Variants in DPH6 observed in about 807,000 individuals in gnomAD.
DPH6 encodes the protein diphthamine biosynthesis 6.
DPH6 carries 33 observed loss-of-function variants against 38.2 expected under a neutral mutation model. That is an observed-to-expected ratio of 0.86 (90% CI 0.65 to 1.15). The LOEUF is 1.15. DPH6 is among the 50% of genes most tolerant of loss of function. The pLI is 0.00. For missense variants in DPH6, 325 were observed against 320.0 expected (o/e 1.02, Z -0.12); for synonymous variants, 108 against 103.0 (o/e 1.05, Z -0.30).
In DPH6 at chr15:35,236,184, T is replaced by G. The variant is rs1029859242; in HGVS notation, n.201-15602A>C. ...AAATAATTATTTCATTTTGTAAAGT[T>G]GATATCTAGGTCCATATAAGTAGTC... is the stretch of plus-strand genomic sequence containing the variant. On this transcript the variant is annotated intron_variant and non_coding_transcript_variant, in intron 3 of 3. Transcript: ENST00000560386. 5.9e-5 allele frequency among the ~76,000 whole-genome samples: 9 copies of G among 152,360 alleles called. No individual in the cohort carries two copies. The East Asian group carries it at 1.7e-3, about 29-fold the overall frequency.
At chr15:35,185,911 T>A in the DPH6 span, among the ~76,000 whole-genome samples, 1 of 151,790 alleles carries the variant, frequency 6.6e-6, no homozygotes, top group African/African-American at 2.4e-5. Context: ...TTTTTTTGTG[T>A]TTTTAGTAGA....
chr15:35,495,167 G>A (rs1223992929), intron 3 of DPH6, among the ~76,000 whole-genome samples: 11 of 152,134 alleles, frequency 7.2e-5, no homozygotes, highest in Non-Finnish European at 2.9e-5. Flanking sequence ...CTCAGATGGT[G>A]ACTGTATTTG....
the DPH6 span, among the ~76,000 whole-genome samples, chr15:35,189,090 C>T: frequency 1.3e-5 from 2 of 152,070 alleles, no homozygotes; most frequent in Non-Finnish European, 2.9e-5. Flanking sequence ...AGTATGTTTC[C>T]TAAGCAACGA....
intron 3 of DPH6, among the ~76,000 whole-genome samples, chr15:35,502,814 A>C (rs989503016): frequency 6.6e-6 from 1 of 150,872 alleles, no homozygotes; most frequent in Non-Finnish European, 1.5e-5. Context: ...CTAGATGCTT[A>C]CTTCTACTTA....
At chr15:35,162,910 G>A in the DPH6 span, among the ~76,000 whole-genome samples, 4 of 151,948 alleles carry the variant, frequency 2.6e-5, no homozygotes, top group Admixed American at 1.3e-4. Context: ...GAGAAGTGAG[G>A]GAACCCCATA....
At chr15:35,389,877 T>G (rs1310208586) in intron 6 of DPH6, among the ~76,000 whole-genome samples, 1 of 152,230 alleles carries the variant, frequency 6.6e-6, no homozygotes, top group Non-Finnish European at 1.5e-5. Context: ...AATTTGATCC[T>G]GTCATTATGA....
intron 5 of DPH6, among the ~76,000 whole-genome samples, chr15:35,420,487 A>C (rs1045695300): frequency 6.6e-6 from 1 of 152,156 alleles, no homozygotes; most frequent in Non-Finnish European, 1.5e-5. Flanking sequence ...ACAATGCAAA[A>C]ATCAATAAAA....
At chr15:35,245,852 T>C (rs2051634486) in intron 3 of DPH6, among the ~76,000 whole-genome samples, 1 of 152,212 alleles carries the variant, frequency 6.6e-6, no homozygotes, top group Admixed American at 6.5e-5. Context: ...AGGAATATAA[T>C]ACAGGATGTT....
the DPH6 span, among the ~76,000 whole-genome samples, chr15:35,193,518 C>T: frequency 2.0e-5 from 3 of 151,994 alleles, no homozygotes; most frequent in Non-Finnish European, 2.9e-5. Context: ...AATCTAGATG[C>T]TCATGGCAGT....
chr15:35,359,524 AC>A (rs2052595898), intron 3 of DPH6, among the ~76,000 whole-genome samples: 2 of 152,216 alleles, frequency 1.3e-5, no homozygotes. Context: ...CTGCTAGAGG[AC>A]CCAGTGAGCT....
chr15:35,538,178 A>G, intron 3 of DPH6, 96 bp downstream of exon 3: 1 of 1,158,328 alleles, frequency 8.6e-7, no homozygotes, highest in Non-Finnish European at 1.1e-6. Context: ...TTGGGCTACT[A>G]ACAATTGCAA....
At chr15:35,233,163 G>A (rs530525985) in intron 3 of DPH6, among the ~76,000 whole-genome samples, 15 of 152,236 alleles carry the variant, frequency 9.9e-5, no homozygotes, top group African/African-American at 3.4e-4. Flanking sequence ...AAAAAAATTA[G>A]AAAGGTGTGG....
At chr15:35,210,286 T>C in the DPH6 span, among the ~76,000 whole-genome samples, 5 of 152,178 alleles carry the variant, frequency 3.3e-5, no homozygotes, top group Non-Finnish European at 5.9e-5. Context: ...AATATCTACT[T>C]TGGTAGGTTA....
At chr15:35,399,799 A>T (rs577028301) in intron 6 of DPH6, among the ~76,000 whole-genome samples, 1 of 152,368 alleles carries the variant, frequency 6.6e-6, no homozygotes, top group African/African-American at 2.4e-5. Context: ...TACAGAATCC[A>T]TCAAATGTGA....
At chr15:35,542,894 T>G (rs2055276597) in intron 1 of DPH6, among the ~76,000 whole-genome samples, 2 of 127,598 alleles carry the variant, frequency 1.6e-5, no homozygotes, top group Non-Finnish European at 1.6e-5. Flanking sequence ...TATAATAATA[T>G]ATATTATTCC....
rs560952031 is a variant in DPH6 at position 35,361,928 on chromosome 15, T to C, written n.207+11593A>G. 5.5e-5 allele frequency among the ~76,000 whole-genome samples: 8 copies of C among 145,756 alleles called. No individual in the cohort carries two copies. The South Asian group carries it at 6.2e-4, about 11-fold the overall frequency. The stretch of plus-strand genomic sequence containing the variant: ...TTCTTTGTCAAGTAATTCATATTAA[T>C]AGATTTTCATTTTTTCAGAGCCAGT... On this transcript the variant is annotated intron_variant and non_coding_transcript_variant, in intron 3 of 3. Coordinates refer to the DPH6 transcript ENST00000558973.
At chr15:35,327,549 G>A (rs983524821), downstream of DPH6, among the ~76,000 whole-genome samples, 1 of 152,088 alleles carries the variant, frequency 6.6e-6, no homozygotes, top group African/African-American at 2.4e-5. Context: ...GTTTCACCAT[G>A]TTAGCCAGGA....
chr15:35,484,165 A>T (rs1477259729), intron 3 of DPH6, among the ~76,000 whole-genome samples: 1 of 152,230 alleles, frequency 6.6e-6, no homozygotes, highest in Non-Finnish European at 1.5e-5. Context: ...TGCCTCAGTG[A>T]ATCTATACAA....
intron 3 of DPH6, among the ~76,000 whole-genome samples, chr15:35,225,106 T>C (rs1248352664): frequency 6.6e-6 from 1 of 152,222 alleles, no homozygotes; most frequent in African/African-American, 2.4e-5. Context: ...TCAGTCTTTC[T>C]TCATTTTCCA....
Sources: allele counts gnomAD v4.1 joint callset (sites outside exome capture counted in the v4.1 genomes callset), GRCh38; gene constraint gnomAD v4.1.1; transcripts MANE v1.5; gene names NCBI Gene and HGNC (gene_info 2026-07-23, HGNC 2026-07-21).